LRRC4C: variants seen among roughly 807,000 people sequenced by gnomAD.
The protein encoded by LRRC4C is leucine-rich repeat-containing protein 4C.
Under a neutral mutation model 33.6 loss-of-function variants are expected in LRRC4C, and 5 were observed. The observed-to-expected ratio is 0.15, with a 90% CI of 0.08 to 0.31. The LOEUF (loss-of-function observed/expected upper bound fraction) is 0.31. LRRC4C is among the 10% of genes least tolerant of loss of function. The pLI is 1.00. For synonymous variants in LRRC4C, 329 were observed against 302.0 expected (o/e 1.09, Z -0.93); for missense variants, 560 against 796.7 (o/e 0.70, Z 3.58).
intron 2 of LRRC4C, among the ~76,000 whole-genome samples, chr11:40,851,413 C>T (rs1350193745): frequency 2.6e-5 from 4 of 152,056 alleles, no homozygotes; most frequent in Non-Finnish European, 5.9e-5. Context: ...CCTTGTGCTT[C>T]CCGGGTGAGG....
At position 41,231,091 on chromosome 11, in the gene LRRC4C, G is replaced by A. The variant is rs546643358; in HGVS notation, c.-496+228340C>T. Among the ~76,000 whole-genome samples the A allele has an allele frequency of 1.1e-4, 16 of 152,028 alleles. No individual in the cohort carries two copies. In the South Asian group the frequency reaches 2.1e-3, roughly 20 times the overall value. Reference sequence around the variant, plus strand: ...ACCATCTCATGTCAGTTAGAATGGCGATCATTAAATAGTCAGGAAACAACA... The same window carrying A: ...ACCATCTCATGTCAGTTAGAATGGCAATCATTAAATAGTCAGGAAACAACA... On this transcript the variant is annotated intron_variant, in intron 1 of 6. Coordinates refer to ENST00000528697, the MANE Select transcript of LRRC4C (RefSeq NM_001258419.2).
intron 3 of LRRC4C, among the ~76,000 whole-genome samples, chr11:40,580,067 G>T (rs1480297632): frequency 6.6e-6 from 1 of 151,184 alleles, no homozygotes; most frequent in African/African-American, 2.5e-5. Flanking sequence ...AGGTGTGTGT[G>T]TGTGTGTGTG....
chr11:41,408,747 T>TAA (rs35914452), intron 1 of LRRC4C, among the ~76,000 whole-genome samples: 8 of 131,780 alleles, frequency 6.1e-5, no homozygotes, highest in Non-Finnish European at 6.2e-5. Context: ...TATATTTTTG[T>TAA]AAAAAAAAAA....
intron 3 of LRRC4C, among the ~76,000 whole-genome samples, chr11:40,472,614 G>C (rs950452226): frequency 6.6e-6 from 1 of 151,570 alleles, no homozygotes; most frequent in Non-Finnish European, 1.5e-5. Flanking sequence ...TAAGATCAGA[G>C]CAGAACTGAA....
intron 2 of LRRC4C, among the ~76,000 whole-genome samples, chr11:40,829,026 G>C (rs1952290411): frequency 6.6e-6 from 1 of 151,920 alleles, no homozygotes; most frequent in African/African-American, 2.4e-5. Context: ...AAAAAACTTG[G>C]TTAGAATTCA....
chr11:41,214,980 C>A, intron 1 of LRRC4C, among the ~76,000 whole-genome samples: 1 of 143,534 alleles, frequency 7.0e-6, no homozygotes, highest in Admixed American at 7.0e-5. Flanking sequence ...CCTTCATTTC[C>A]TATGTTCATT....
chr11:40,837,025 T>G (rs1952702096), intron 2 of LRRC4C, among the ~76,000 whole-genome samples: 1 of 152,158 alleles, frequency 6.6e-6, no homozygotes, highest in Admixed American at 6.5e-5. Flanking sequence ...CCCTAAACTC[T>G]TAAAGAACGG....
At chr11:40,630,766 A>G (rs1467021964) in intron 3 of LRRC4C, among the ~76,000 whole-genome samples, 1 of 152,150 alleles carries the variant, frequency 6.6e-6, no homozygotes, top group Non-Finnish European at 1.5e-5. Context: ...TTCAAAATTT[A>G]AAGTGAATTC....
At chr11:40,196,206 A>C (rs746537276) in intron 5 of LRRC4C, among the ~76,000 whole-genome samples, 6 of 152,230 alleles carry the variant, frequency 3.9e-5, no homozygotes, top group Non-Finnish European at 7.3e-5. Context: ...GGAATTACTT[A>C]GGGCAGACAC....
intron 4 of LRRC4C, among the ~76,000 whole-genome samples, chr11:40,243,179 C>T (rs770116235): frequency 6.6e-6 from 1 of 151,988 alleles, no homozygotes; most frequent in Non-Finnish European, 1.5e-5. Context: ...AGCAAGATAC[C>T]CTTTTAAGTT....
chr11:41,190,459 C>T (rs184541264), intron 1 of LRRC4C, among the ~76,000 whole-genome samples: 33 of 152,198 alleles, frequency 2.2e-4, no homozygotes, highest in African/African-American at 7.7e-4. Flanking sequence ...GGGTTTTATT[C>T]ATCTTGTTTA....
intron 3 of LRRC4C, chr11:40,445,749 T>C (rs1280500343): frequency 1.3e-5 from 2 of 152,266 alleles, no homozygotes; most frequent in East Asian, 1.9e-4. Context: ...ATGACATTTA[T>C]AGGATATTTC....
intron 3 of LRRC4C, among the ~76,000 whole-genome samples, chr11:40,553,838 T>C (rs1257245090): frequency 6.6e-6 from 1 of 152,216 alleles, no homozygotes; most frequent in Non-Finnish European, 1.5e-5. Context: ...TTCTAGATAT[T>C]TGTCCTTTGT....
intron 2 of LRRC4C, among the ~76,000 whole-genome samples, chr11:40,884,413 C>T (rs1955334393): frequency 6.6e-6 from 1 of 151,896 alleles, no homozygotes; most frequent in Non-Finnish European, 1.5e-5. Flanking sequence ...ATTTATAATC[C>T]TTTGGGTATA....
intron 2 of LRRC4C, among the ~76,000 whole-genome samples, chr11:40,759,586 T>A (rs1029816967): frequency 3.3e-5 from 5 of 151,940 alleles, no homozygotes; most frequent in Non-Finnish European, 5.9e-5. Context: ...CCTCAGTTAC[T>A]TTTGCAGCAA....
intron 4 of LRRC4C, among the ~76,000 whole-genome samples, chr11:40,300,968 G>T (rs930852216): frequency 6.6e-6 from 1 of 152,142 alleles, no homozygotes; most frequent in African/African-American, 2.4e-5. Context: ...AGGCTCTCTG[G>T]AAGGTTTCTG....
At chr11:41,202,105 C>T (rs529080984) in intron 1 of LRRC4C, among the ~76,000 whole-genome samples, 15 of 152,248 alleles carry the variant, frequency 9.9e-5, no homozygotes, top group South Asian at 2.1e-4. Flanking sequence ...TTTGGAACAC[C>T]GGCTCTTCCT....
chr11:41,078,329 A>G (rs186337647), intron 1 of LRRC4C, among the ~76,000 whole-genome samples: 1 of 152,296 alleles, frequency 6.6e-6, no homozygotes, highest in East Asian at 1.9e-4. Context: ...ATTTTCAGGT[A>G]TCTTTATGGC....
chr11:40,650,654 G>A (rs1942737625), intron 2 of LRRC4C, among the ~76,000 whole-genome samples: 1 of 151,998 alleles, frequency 6.6e-6, no homozygotes. Flanking sequence ...CATTACACTT[G>A]TTTTGGCCTG....
Sources: gnomAD v4.1 joint callset for allele counts (sites outside exome capture counted in the v4.1 genomes callset) on GRCh38, gnomAD v4.1.1 for gene constraint, MANE v1.5 for transcripts, NCBI Gene and HGNC (gene_info 2026-07-23, HGNC 2026-07-21) for gene names.